The following GRIK1 variants were observed in gnomAD, a reference collection of about 807,000 sequenced individuals.
The protein encoded by GRIK1 is glutamate receptor ionotropic, kainate 1.
In GRIK1, 69 loss-of-function variants were observed where a neutral mutation model predicts 105.7. The observed-to-expected ratio is 0.65, with a 90% CI of 0.54 to 0.80. The LOEUF is 0.80. GRIK1 is among the 30% of genes least tolerant of loss of function. GRIK1 has a pLI of 0.00. For missense variants in GRIK1, 1,109 were observed against 1,167.3 expected (o/e 0.95, Z 0.73); for synonymous variants, 438 against 431.3 (o/e 1.02, Z -0.19).
chr21:29,695,051 A>G (rs1352125775), intron 1 of GRIK1, among the ~76,000 whole-genome samples: 1 of 152,240 alleles, frequency 6.6e-6, no homozygotes, highest in Non-Finnish European at 1.5e-5. Flanking sequence ...AACTGAAGAA[A>G]TATGTCCCTT....
intron 12 of GRIK1, among the ~76,000 whole-genome samples, chr21:29,584,752 A>G (rs2091094305): frequency 6.6e-6 from 1 of 152,184 alleles, no homozygotes; most frequent in African/African-American, 2.4e-5. Flanking sequence ...ACTGTTTTTC[A>G]TGTCCACTTC....
At chr21:29,855,421 A>C (rs1172223379) in intron 1 of GRIK1, among the ~76,000 whole-genome samples, 1 of 152,220 alleles carries the variant, frequency 6.6e-6, no homozygotes, top group Non-Finnish European at 1.5e-5. Flanking sequence ...AATGTCAAGA[A>C]GGAGCATGAG....
intron 1 of GRIK1, among the ~76,000 whole-genome samples, chr21:29,697,463 A>G (rs2063724862): frequency 6.6e-6 from 1 of 152,106 alleles, no homozygotes; most frequent in South Asian, 2.1e-4. Context: ...CTGTTTTGTC[A>G]CTTTCAGAGC....
In GRIK1 at chr21:29,844,030, G is replaced by A. The variant is rs189771124; in HGVS notation, c.118+95353C>T. Among the ~76,000 whole-genome samples, 725 of 152,256 alleles carry A rather than the reference G, an allele frequency of 4.8e-3. 16 individuals carry two copies. Among genetic ancestry groups the A allele is most frequent in the Admixed American group, 0.039 (598 of 15,294 alleles). On this transcript the variant is annotated intron_variant, in intron 1 of 17. Coordinates refer to ENST00000327783, the MANE Select transcript of GRIK1 (RefSeq NM_001330994.2). ...CATTTTCTGACAGGAGAGTGACAGCGTGAGTTGTACTCACACTCTCATTAC... is the reference window on the plus strand; with the variant it reads ...CATTTTCTGACAGGAGAGTGACAGCATGAGTTGTACTCACACTCTCATTAC...
intron 1 of GRIK1, among the ~76,000 whole-genome samples, chr21:29,706,105 C>T (rs1255412852): frequency 1.3e-5 from 2 of 152,080 alleles, no homozygotes; most frequent in Non-Finnish European, 2.9e-5. Context: ...AACTCCTGAC[C>T]TCAGATGATC....
chr21:29,561,607 A>G lies in GRIK1; in HGVS notation c.2356+17T>C. Reference sequence around the variant, plus strand: ...ACATTCTGTATCTCAGTCTTGGTTCATGTCTACCCGTCTTACCAATAGGTG... The same window carrying G: ...ACATTCTGTATCTCAGTCTTGGTTCGTGTCTACCCGTCTTACCAATAGGTG... On this transcript the variant is annotated intron_variant, in intron 15 of 17. Transcript: ENST00000327783. The G allele has an allele frequency of 6.6e-7, 1 of 1,505,962 alleles. No individual in the cohort carries two copies. Among genetic ancestry groups the G allele is most frequent in the Non-Finnish European group, 9.2e-7 (1 of 1,081,490 alleles). 93.3% of individuals were successfully genotyped at this position (1,505,962 alleles called of 1,614,324 possible). A position where few individuals can be genotyped will look rare whatever the true frequency, so the allele number is the denominator to read the frequency against.
intron 1 of GRIK1, among the ~76,000 whole-genome samples, chr21:29,867,584 C>T (rs1056394643): frequency 2.0e-5 from 3 of 152,128 alleles, no homozygotes; most frequent in South Asian, 2.1e-4. Context: ...CACCTGAGGG[C>T]GGGAGTTCAA....
chr21:29,655,376 C>A (rs2062829707), intron 4 of GRIK1, among the ~76,000 whole-genome samples: 2 of 151,934 alleles, frequency 1.3e-5, no homozygotes, highest in African/African-American at 4.8e-5. Flanking sequence ...CCATTGCACT[C>A]CAGCCTGGGC....
intron 1 of GRIK1, among the ~76,000 whole-genome samples, chr21:29,760,930 G>A (rs1178107205): frequency 6.6e-6 from 1 of 152,186 alleles, no homozygotes; most frequent in African/African-American, 2.4e-5. Flanking sequence ...AGATTCCAAA[G>A]GATTATGTTT....
chr21:29,923,836 T>C (rs2071267622), intron 1 of GRIK1, among the ~76,000 whole-genome samples: 1 of 152,170 alleles, frequency 6.6e-6, no homozygotes. Context: ...TGATTAGGAT[T>C]ACAGAGGAGT....
At chr21:29,745,478 A>C (rs1347657620) in intron 1 of GRIK1, among the ~76,000 whole-genome samples, 1 of 152,218 alleles carries the variant, frequency 6.6e-6, no homozygotes, top group Non-Finnish European at 1.5e-5. Context: ...AACTTTGGGT[A>C]ACTGATAGAT....
intron 14 of GRIK1, among the ~76,000 whole-genome samples, chr21:29,566,075 G>A (rs2146196520): frequency 6.6e-6 from 1 of 152,244 alleles, no homozygotes; most frequent in African/African-American, 2.4e-5. Flanking sequence ...TCATGGTTGA[G>A]TCTCAAATCT....
At chr21:29,672,709 T>C (rs922862386) in intron 4 of GRIK1, among the ~76,000 whole-genome samples, 6 of 152,098 alleles carry the variant, frequency 3.9e-5, no homozygotes, top group Admixed American at 2.6e-4. Context: ...ATGATGTCCT[T>C]CTCTCATCTT....
At chr21:29,867,878 G>GAAAGAAAGAAGGAA (rs1569174260) in intron 1 of GRIK1, among the ~76,000 whole-genome samples, 1 of 15,926 alleles carries the variant, frequency 6.3e-5, no homozygotes, top group African/African-American at 3.2e-4. Flanking sequence ...AAGAGAGAAA[G>GAAAGAAAGAAGGAA]AGAGAGAAAG....
intron 1 of GRIK1, among the ~76,000 whole-genome samples, chr21:29,810,913 A>G (rs1451219253): frequency 6.6e-6 from 1 of 152,164 alleles, no homozygotes; most frequent in East Asian, 1.9e-4. Flanking sequence ...TTACTCTGAG[A>G]ATGAGAACAT....
intron 7 of GRIK1, among the ~76,000 whole-genome samples, chr21:29,603,861 C>CAA: frequency 6.6e-6 from 1 of 152,292 alleles, no homozygotes; most frequent in Middle Eastern, 3.4e-3. Context: ...GGTACTGTTC[C>CAA]AACTGTCCTC....
intron 1 of GRIK1, among the ~76,000 whole-genome samples, chr21:29,867,872 G>A (rs1212432106): frequency 2.9e-3 from 45 of 15,722 alleles, no homozygotes; most frequent in African/African-American, 0.012. Context: ...GAGAGAAAGA[G>A]AGAAAGAGAG....
chr21:29,735,774 G>A (rs187599703), intron 1 of GRIK1, among the ~76,000 whole-genome samples: 5 of 150,446 alleles, frequency 3.3e-5, no homozygotes, highest in East Asian at 3.9e-4. Context: ...GCATGCACCT[G>A]TAGTCCCAGC....
chr21:29,785,368 G>A (rs905899926), intron 1 of GRIK1, among the ~76,000 whole-genome samples: 1 of 151,968 alleles, frequency 6.6e-6, no homozygotes, highest in Non-Finnish European at 1.5e-5. Flanking sequence ...TTTTGAGCTA[G>A]CCTGGCCAAA....
Sources: allele counts gnomAD v4.1 joint callset (sites outside exome capture counted in the v4.1 genomes callset), GRCh38; gene constraint gnomAD v4.1.1; transcripts MANE v1.5; gene names NCBI Gene and HGNC (gene_info 2026-07-23, HGNC 2026-07-21).